SYNE2: variants seen among roughly 807,000 people sequenced by gnomAD.
SYNE2 encodes the protein nesprin-2.
Under a neutral mutation model 856.3 loss-of-function variants are expected in SYNE2, and 431 were observed. The observed-to-expected ratio is 0.50, with a 90% CI of 0.47 to 0.55. The LOEUF is 0.55. Ranked by LOEUF, SYNE2 falls within the 20% of genes least tolerant of loss-of-function variation. SYNE2 has a pLI of 0.00. For missense variants in SYNE2, 8,129 were observed against 8,023.2 expected (o/e 1.01, Z -0.50); for synonymous variants, 2,923 against 2,872.3 (o/e 1.02, Z -0.56).
At chr14:64,203,931 G>T (rs1478840080) in intron 100 of SYNE2, among the ~76,000 whole-genome samples, 1 of 152,146 alleles carries the variant, frequency 6.6e-6, no homozygotes, top group Non-Finnish European at 1.5e-5. Flanking sequence ...TGCCCCGGCT[G>T]GTCTTTAACT....
intron 110 of SYNE2, among the ~76,000 whole-genome samples, chr14:64,219,704 G>A (rs1365428008): frequency 6.6e-6 from 1 of 152,186 alleles, no homozygotes; most frequent in Non-Finnish European, 1.5e-5. Context: ...AGACTTTTCT[G>A]GAGGTGCTAG....
chr14:63,913,398 C>T (rs1319134654), intron 2 of SYNE2, among the ~76,000 whole-genome samples: 1 of 151,626 alleles, frequency 6.6e-6, no homozygotes, highest in Non-Finnish European at 1.5e-5. Flanking sequence ...TTCTATATTA[C>T]TCTGGGCAGT....
intron 64 of SYNE2, among the ~76,000 whole-genome samples, chr14:64,106,139 C>CA (rs2097769999): frequency 6.7e-6 from 1 of 148,474 alleles, no homozygotes; most frequent in Non-Finnish European, 1.5e-5. Flanking sequence ...CAGACCCCCC[C>CA]CCCCAACCAA....
At chr14:64,177,206 A>G in intron 95 of SYNE2, 152 bp from the exon 96 acceptor site, 1 of 928,122 alleles carries the variant, frequency 1.1e-6, no homozygotes, top group South Asian at 1.6e-5. Context: ...TTTGGAGACC[A>G]TAGTCTGCTT....
chr14:64,065,346 A>T, intron 50 of SYNE2, 86 bp from the exon 51 acceptor site: 1 of 1,162,042 alleles, frequency 8.6e-7, no homozygotes, highest in Non-Finnish European at 1.2e-6. Flanking sequence ...TGAAATAATT[A>T]ATTGTTCAGG....
intron 2 of SYNE2, among the ~76,000 whole-genome samples, chr14:63,913,289 A>T (rs893312115): frequency 2.6e-5 from 4 of 151,952 alleles, no homozygotes; most frequent in Admixed American, 1.3e-4. Context: ...AGTGAAGAGG[A>T]TGGTGTTGGA....
intron 27 of SYNE2, among the ~76,000 whole-genome samples, chr14:63,999,359 A>G (rs2096736807): frequency 6.6e-6 from 1 of 152,226 alleles, no homozygotes; most frequent in Admixed American, 6.5e-5. Context: ...TTGATCAAAA[A>G]CAATGTGTTT....
intron 1 of SYNE2, among the ~76,000 whole-genome samples, chr14:63,810,554 A>G (rs1373241015): frequency 6.6e-6 from 1 of 152,184 alleles, no homozygotes; most frequent in Non-Finnish European, 1.5e-5. Flanking sequence ...TGTAGCACTA[A>G]TGAAGAAACT....
chr14:63,995,870 A>G (rs930548491), intron 23 of SYNE2, among the ~76,000 whole-genome samples: 4 of 152,006 alleles, frequency 2.6e-5, no homozygotes, highest in Admixed American at 1.3e-4. Context: ...TTTTTATTCT[A>G]TTAATGTTTT....
intron 1 of SYNE2, among the ~76,000 whole-genome samples, chr14:63,827,292 A>T (rs1239193760): frequency 1.3e-5 from 2 of 149,190 alleles, no homozygotes; most frequent in East Asian, 3.9e-4. Flanking sequence ...AAAAAAAAAA[A>T]TTATTGCAAC....
chr14:63,959,617 C>T (rs181136005), intron 8 of SYNE2, among the ~76,000 whole-genome samples: 8 of 152,228 alleles, frequency 5.3e-5, no homozygotes, highest in African/African-American at 1.9e-4. Context: ...CGTATTTCTA[C>T]AGTTTGGACA....
intron 98 of SYNE2, 80 bp from the exon 99 acceptor site, chr14:64,189,991 A>C: frequency 1.4e-6 from 2 of 1,389,454 alleles, no homozygotes; most frequent in East Asian, 2.3e-5. Flanking sequence ...TAATTTCAAG[A>C]GGTAACTCTA....
At chr14:64,068,997 C>A (rs958291521) in intron 51 of SYNE2, among the ~76,000 whole-genome samples, 2 of 152,042 alleles carry the variant, frequency 1.3e-5, no homozygotes, top group Non-Finnish European at 2.9e-5. Context: ...GAAAGTGATC[C>A]CAGGGAACAG....
chr14:64,033,990 A>G (rs1243451403), intron 45 of SYNE2, among the ~76,000 whole-genome samples: 2 of 152,144 alleles, frequency 1.3e-5, no homozygotes, highest in African/African-American at 2.4e-5. Flanking sequence ...ATTTTCTTGT[A>G]TGTAATATTA....
At chr14:64,064,219 G>A (rs1003466990) in intron 50 of SYNE2, among the ~76,000 whole-genome samples, 12 of 152,300 alleles carry the variant, frequency 7.9e-5, no homozygotes, top group Admixed American at 2.6e-4. Flanking sequence ...TGGAGCACAA[G>A]CATTTGATAC....
intron 1 of SYNE2, among the ~76,000 whole-genome samples, chr14:63,786,022 G>C (rs1281959022): frequency 6.6e-6 from 1 of 151,978 alleles, no homozygotes; most frequent in African/African-American, 2.4e-5. Flanking sequence ...AGGCTGAGAT[G>C]GGCGGATCAT....
intron 20 of SYNE2, 145 bp from the exon 21 acceptor site, chr14:63,990,797 G>T (rs1371689392): frequency 1.3e-6 from 1 of 785,742 alleles, no homozygotes; most frequent in Admixed American, 2.3e-5. Flanking sequence ...AATTTAGATA[G>T]ATTTATAATT....
At chr14:64,098,424 C>G (rs2097694779) in intron 62 of SYNE2, 3 of 589,264 alleles carry the variant, frequency 5.1e-6, no homozygotes, top group Middle Eastern at 4.5e-4. Flanking sequence ...TTTGAAGTAT[C>G]TTCGTACAGA....
At chr14:64,028,535 G>A (rs186568628) in intron 43 of SYNE2, among the ~76,000 whole-genome samples, 70 of 152,130 alleles carry the variant, frequency 4.6e-4, no homozygotes, top group Non-Finnish European at 9.0e-4. Flanking sequence ...GATGACCTGC[G>A]CGAGCCACTG....
Sources: allele counts gnomAD v4.1 joint callset (sites outside exome capture counted in the v4.1 genomes callset), GRCh38; gene constraint gnomAD v4.1.1; transcripts MANE v1.5; gene names NCBI Gene and HGNC (gene_info 2026-07-23, HGNC 2026-07-21).